The following TNIK variants were observed in gnomAD, a reference collection of about 807,000 sequenced individuals.
TNIK encodes TRAF2 and NCK-interacting protein kinase.
A neutral mutation model predicts 191.3 loss-of-function variants in TNIK; 49 were observed. That is an observed-to-expected ratio of 0.26 (90% CI 0.20 to 0.32). The LOEUF (loss-of-function observed/expected upper bound fraction) is 0.32, where lower values mean the gene tolerates loss of function less well. Among genes scored for constraint, TNIK ranks in the 10% least tolerant of loss-of-function variants. TNIK has a pLI of 1.00. For synonymous variants in TNIK, 594 were observed against 600.9 expected (o/e 0.99, Z 0.17); for missense variants, 1,155 against 1,702.3 (o/e 0.68, Z 5.66).
intron 2 of TNIK, among the ~76,000 whole-genome samples, chr3:171,284,818 C>G (rs1750845000): frequency 6.6e-6 from 1 of 152,102 alleles, no homozygotes; most frequent in Admixed American, 6.5e-5. Context: ...ATTCTAAGAG[C>G]AAGCACTCAA....
chr3:171,170,778 C>T (rs920944652), intron 9 of TNIK, among the ~76,000 whole-genome samples: 2 of 152,134 alleles, frequency 1.3e-5, no homozygotes, highest in African/African-American at 4.8e-5. Context: ...TGGCCAGGTG[C>T]GGTAGTTCAC....
intron 1 of TNIK, among the ~76,000 whole-genome samples, chr3:171,432,628 T>C (rs1488643931): frequency 6.6e-6 from 1 of 152,166 alleles, no homozygotes. Context: ...CTATGAACCA[T>C]CTAAGTTTGG....
At chr3:171,208,405 A>G (rs1740371547) in intron 4 of TNIK, among the ~76,000 whole-genome samples, 1 of 152,154 alleles carries the variant, frequency 6.6e-6, no homozygotes, top group Non-Finnish European at 1.5e-5. Flanking sequence ...AAATTACTGA[A>G]ATTACTACCT....
chr3:171,160,858 G>A (rs1733896267), intron 11 of TNIK, among the ~76,000 whole-genome samples: 3 of 152,192 alleles, frequency 2.0e-5, no homozygotes, highest in Non-Finnish European at 4.4e-5. Flanking sequence ...AAGGACAGTG[G>A]CTACCCGAAT....
chr3:171,411,972 G>A (rs1213619194), intron 1 of TNIK, among the ~76,000 whole-genome samples: 1 of 152,146 alleles, frequency 6.6e-6, no homozygotes, highest in Non-Finnish European at 1.5e-5. Context: ...ACCCATTCCT[G>A]ATGACTGCTT....
intron 18 of TNIK, among the ~76,000 whole-genome samples, chr3:171,120,687 T>A (rs1407720649): frequency 2.0e-5 from 3 of 152,120 alleles, no homozygotes; most frequent in Non-Finnish European, 4.4e-5. Context: ...TATACAGAGG[T>A]AGAACTGGTC....
At position 171,161,262 on chromosome 3, in the gene TNIK, T is replaced by C. The variant is rs1312040176; in HGVS notation, c.1016+8A>G. 1.2e-6 allele frequency: 2 copies of C among 1,611,780 alleles called. No individual in the cohort carries two copies. Among genetic ancestry groups the C allele is most frequent in the South Asian group, 1.1e-5 (1 of 90,792 alleles). ...GAACATTAGAAGACTTGGCTTTTGC[T>C]CTCATACCTGGGCTCTCCTGAGTCA... On this transcript the variant is annotated splice_region_variant and intron_variant, in intron 11 of 32. Transcript: ENST00000436636.
intron 1 of TNIK, among the ~76,000 whole-genome samples, chr3:171,401,270 T>C (rs1577791201): frequency 6.6e-6 from 1 of 152,060 alleles, no homozygotes; most frequent in South Asian, 2.1e-4. Flanking sequence ...CCCATCAGAA[T>C]CTCCTGTGGC....
intron 2 of TNIK, among the ~76,000 whole-genome samples, chr3:171,235,103 G>C (rs575284992): frequency 6.6e-6 from 1 of 151,996 alleles, no homozygotes. Flanking sequence ...GTACAGTGGC[G>C]CTGTCTCGGC....
intron 22 of TNIK, among the ~76,000 whole-genome samples, chr3:171,095,591 T>C (rs373162650): frequency 1.3e-5 from 2 of 152,216 alleles, no homozygotes; most frequent in African/African-American, 4.8e-5. Context: ...TTGGATCTTA[T>C]GAAAGTCCAA....
chr3:171,395,635 A>T (rs1366247715), intron 1 of TNIK, among the ~76,000 whole-genome samples: 2 of 152,244 alleles, frequency 1.3e-5, no homozygotes, highest in African/African-American at 4.8e-5. Context: ...AAAACTGTAT[A>T]TTGAAAAGAT....
At chr3:171,064,256 T>C (rs1298272543) in intron 32 of TNIK, among the ~76,000 whole-genome samples, 5 of 151,922 alleles carry the variant, frequency 3.3e-5, no homozygotes, top group Non-Finnish European at 5.9e-5. Context: ...TAAAAGGGAG[T>C]TTCATGCTAG....
At chr3:171,208,550 A>ATT (rs1156754943) in intron 4 of TNIK, among the ~76,000 whole-genome samples, 107 of 93,778 alleles carry the variant, frequency 1.1e-3, no homozygotes, top group African/African-American at 2.7e-3. Flanking sequence ...GTCCTATTTT[A>ATT]TTTTTGTGTG....
intron 21 of TNIK, among the ~76,000 whole-genome samples, chr3:171,103,718 G>A (rs1342414679): frequency 6.6e-6 from 1 of 151,858 alleles, no homozygotes; most frequent in Non-Finnish European, 1.5e-5. Context: ...AGAGAATATG[G>A]TTTAAAAGAG....
At chr3:171,156,179 C>G (rs1034139317) in intron 12 of TNIK, among the ~76,000 whole-genome samples, 1 of 152,152 alleles carries the variant, frequency 6.6e-6, no homozygotes, top group Non-Finnish European at 1.5e-5. Context: ...AGCATCCTGC[C>G]TGGTACTTGA....
At chr3:171,342,936 A>T (rs1208837711) in intron 2 of TNIK, among the ~76,000 whole-genome samples, 1 of 152,208 alleles carries the variant, frequency 6.6e-6, no homozygotes, top group Non-Finnish European at 1.5e-5. Context: ...TATAAAGGAC[A>T]GTTCCCCTGC....
chr3:171,278,595 G>A (rs1351898024), intron 2 of TNIK, among the ~76,000 whole-genome samples: 1 of 152,106 alleles, frequency 6.6e-6, no homozygotes, highest in Non-Finnish European at 1.5e-5. Flanking sequence ...ATAACCTGGA[G>A]GTAAATCCAA....
chr3:171,459,786 A>T (rs13060085), intron 1 of TNIK, among the ~76,000 whole-genome samples: 2 of 151,430 alleles, frequency 1.3e-5, no homozygotes, highest in Non-Finnish European at 2.9e-5. Context: ...GGGAGAGCCT[A>T]AGCCACGGCC....
At chr3:171,215,333 C>G (rs1741328778) in intron 3 of TNIK, among the ~76,000 whole-genome samples, 2 of 152,122 alleles carry the variant, frequency 1.3e-5, no homozygotes, top group Non-Finnish European at 2.9e-5. Context: ...AAGCCAAAAC[C>G]TCATGTAATG....
Sources: gnomAD v4.1 joint callset for allele counts (sites outside exome capture counted in the v4.1 genomes callset) on GRCh38, gnomAD v4.1.1 for gene constraint, MANE v1.5 for transcripts, NCBI Gene and HGNC (gene_info 2026-07-23, HGNC 2026-07-21) for gene names.